Variants in WAC observed in about 807,000 individuals in gnomAD.
WAC encodes the protein WW domain-containing adapter protein with coiled-coil.
WAC carries 11 observed loss-of-function variants against 79.6 expected under a neutral mutation model. The observed-to-expected ratio is 0.14, with a 90% CI of 0.09 to 0.23. The LOEUF is 0.23. Among genes scored for constraint, WAC ranks in the 10% least tolerant of loss-of-function variants. The probability of loss-of-function intolerance (pLI) is 1.00; values close to 1 mark genes in which losing one functional copy is unlikely to be tolerated. For missense variants in WAC, 728 were observed against 773.5 expected (o/e 0.94, Z 0.70); for synonymous variants, 304 against 276.9 (o/e 1.10, Z -0.97).
chr10:28,592,632 A>G (rs1840151369), intron 6 of WAC, among the ~76,000 whole-genome samples: 1 of 152,192 alleles, frequency 6.6e-6, no homozygotes, highest in Non-Finnish European at 1.5e-5. Context: ...AAAAAAAAGA[A>G]AAAAGAAAAT....
intron 7 of WAC, among the ~76,000 whole-genome samples, chr10:28,601,077 AAAAT>A (rs1485605955): frequency 6.6e-6 from 1 of 152,168 alleles, no homozygotes; most frequent in Non-Finnish European, 1.5e-5. Flanking sequence ...ACAAAAGAAA[AAAAT>A]AGGCACATTG....
At chr10:28,572,617 C>T (rs958237756) in intron 3 of WAC, among the ~76,000 whole-genome samples, 1 of 152,060 alleles carries the variant, frequency 6.6e-6, no homozygotes, top group African/African-American at 2.4e-5. Context: ...TCCAGACCAG[C>T]CTGGGCAATA....
At chr10:28,612,467 T>A (rs915262789) in intron 10 of WAC, among the ~76,000 whole-genome samples, 1 of 152,216 alleles carries the variant, frequency 6.6e-6, no homozygotes, top group Admixed American at 6.5e-5. Context: ...TTGCCTGTAT[T>A]TGTCCCAGCA....
chr10:28,613,070 C>A (rs1475563685), intron 10 of WAC, among the ~76,000 whole-genome samples: 1 of 152,036 alleles, frequency 6.6e-6, no homozygotes, highest in Non-Finnish European at 1.5e-5. Context: ...TTGAATTAGG[C>A]CCTGGGCAAT....
At chr10:28,549,782 C>T (rs1837559917) in intron 3 of WAC, among the ~76,000 whole-genome samples, 1 of 152,060 alleles carries the variant, frequency 6.6e-6, no homozygotes, top group Admixed American at 6.6e-5. Context: ...CATAAGAGGC[C>T]ACTGAAATGA....
At chr10:28,590,353 G>A (rs1275397669) in intron 5 of WAC, among the ~76,000 whole-genome samples, 1 of 150,884 alleles carries the variant, frequency 6.6e-6, no homozygotes, top group Admixed American at 6.6e-5. Flanking sequence ...TAGATAGGCA[G>A]CTGTCCACAA....
At chr10:28,570,117 TAA>T (rs1491135284) in intron 3 of WAC, among the ~76,000 whole-genome samples, 1 of 152,260 alleles carries the variant, frequency 6.6e-6, no homozygotes, top group Admixed American at 6.5e-5. Flanking sequence ...AGAATTTACT[TAA>T]AGTTTTCCTT....
At chr10:28,596,911 CCT>C (rs1403339351) in intron 7 of WAC, among the ~76,000 whole-genome samples, 2 of 151,990 alleles carry the variant, frequency 1.3e-5, no homozygotes, top group Non-Finnish European at 1.5e-5. Flanking sequence ...TTTCTGATTT[CCT>C]CTCTCCTTGA....
At chr10:28,561,456 T>C (rs1838294773) in intron 3 of WAC, among the ~76,000 whole-genome samples, 1 of 152,160 alleles carries the variant, frequency 6.6e-6, no homozygotes, top group African/African-American at 2.4e-5. Context: ...GATTTTCCTT[T>C]GACAAGAATT....
At chr10:28,581,620 T>C (rs767849006) in intron 3 of WAC, among the ~76,000 whole-genome samples, 14 of 152,064 alleles carry the variant, frequency 9.2e-5, no homozygotes, top group Non-Finnish European at 2.1e-4. Flanking sequence ...AGTGGCACAA[T>C]TCTCAGCTCA....
In WAC at chr10:28,608,462, T is replaced by G. The variant is rs199515228; in HGVS notation, c.1165+31T>G. The stretch of plus-strand genomic sequence containing the variant: ...TCTTCATAACAGTTTTTTAAAAATT[T>G]ATTTGCATTGTGCAAAGTTATGTAA... On this transcript the variant is annotated intron_variant, in intron 8 of 13. Transcript: ENST00000354911. The G allele has an allele frequency of 3.4e-5, 53 of 1,540,522 alleles. No individual in the cohort carries two copies. In the East Asian group the frequency reaches 7.8e-4, roughly 23 times the overall value.
intron 7 of WAC, among the ~76,000 whole-genome samples, chr10:28,596,422 T>G (rs1263410509): frequency 1.3e-5 from 2 of 152,238 alleles, no homozygotes; most frequent in African/African-American, 4.8e-5. Context: ...AGAGGTATTT[T>G]AAAACTAATG....
chr10:28,551,487 C>T (rs552982828), intron 3 of WAC, among the ~76,000 whole-genome samples: 110 of 152,248 alleles, frequency 7.2e-4, no homozygotes, highest in African/African-American at 2.6e-3. Context: ...AAAAAGTCTT[C>T]TTGGGGTTGA....
At chr10:28,586,924 G>C (rs1486853709) in intron 4 of WAC, among the ~76,000 whole-genome samples, 4 of 152,132 alleles carry the variant, frequency 2.6e-5, no homozygotes, top group Non-Finnish European at 5.9e-5. Context: ...TCATATTCCA[G>C]CTCATCTTGT....
chr10:28,602,571 C>T (rs1441372949), intron 7 of WAC, among the ~76,000 whole-genome samples: 1 of 152,074 alleles, frequency 6.6e-6, no homozygotes, highest in Non-Finnish European at 1.5e-5. Flanking sequence ...ATGTCCTGCT[C>T]AGTATTACAG....
Position 28,619,838 on chromosome 10 carries a change from T to C in WAC, c.*232T>C, listed in dbSNP as rs1841627785. On this transcript the variant is annotated 3_prime_UTR_variant, in exon 14 of 14. Coordinates refer to ENST00000354911, the MANE Select transcript of WAC (RefSeq NM_016628.5). ...GTATCCTTCACGTTGTAAATATGTT[T>C]TGTAGAGTGAAGCCATGGGAAGCCA... 2.7e-6 allele frequency: 1 copy of C among 369,084 alleles called. No homozygotes were observed. The highest frequency in any genetic ancestry group is 2.1e-5 in the African/African-American group (1 of 47,026). 22.9% of individuals were successfully genotyped at this position (369,084 alleles called of 1,614,324 possible).
At chr10:28,562,061 A>G (rs1263320202) in intron 3 of WAC, among the ~76,000 whole-genome samples, 2 of 152,028 alleles carry the variant, frequency 1.3e-5, no homozygotes, top group Non-Finnish European at 2.9e-5. Context: ...GTTTTCTAAT[A>G]GATTTTCTTT....
chr10:28,547,195 T>C (rs1837395867), intron 3 of WAC, among the ~76,000 whole-genome samples: 1 of 152,222 alleles, frequency 6.6e-6, no homozygotes, highest in African/African-American at 2.4e-5. Flanking sequence ...TTTCTCATTT[T>C]TAAAAGCACT....
intron 3 of WAC, among the ~76,000 whole-genome samples, chr10:28,582,958 T>A (rs993602635): frequency 6.6e-6 from 1 of 152,086 alleles, no homozygotes; most frequent in African/African-American, 2.4e-5. Flanking sequence ...AAAAGGCAAA[T>A]AGGGGAAACT....
Sources: allele counts gnomAD v4.1 joint callset (sites outside exome capture counted in the v4.1 genomes callset), GRCh38; gene constraint gnomAD v4.1.1; transcripts MANE v1.5; gene names NCBI Gene and HGNC (gene_info 2026-07-23, HGNC 2026-07-21).